C6: variants seen among roughly 807,000 people sequenced by gnomAD.
The protein encoded by C6 is complement C6, also known as complement component C6.
A neutral mutation model predicts 112.9 loss-of-function variants in C6; 101 were observed. That is an observed-to-expected ratio of 0.89 (90% CI 0.76 to 1.06). C6 has a LOEUF of 1.06. Ranked by LOEUF, C6 falls within the 50% of genes least tolerant of loss-of-function variation. The probability of loss-of-function intolerance (pLI) is 0.00; values close to 1 mark genes in which losing one functional copy is unlikely to be tolerated. For synonymous variants in C6, 431 were observed against 384.1 expected, an observed-to-expected ratio of 1.12 and a Z score of -1.43; for missense variants, 1,202 against 1,104.6, an observed-to-expected ratio of 1.09 and a Z score of -1.25.
At chr5:41,216,394 C>G (rs1395143646), upstream of C6, among the ~76,000 whole-genome samples, 2 of 152,074 alleles carry the variant, frequency 1.3e-5, no homozygotes, top group Non-Finnish European at 2.9e-5. Context: ...TTCTGCCTTC[C>G]TCTATGATTC....
intron 5 of C6, among the ~76,000 whole-genome samples, chr5:41,188,710 G>A (rs963564872): frequency 1.3e-5 from 2 of 151,872 alleles, no homozygotes; most frequent in African/African-American, 4.8e-5. Flanking sequence ...ACTCCAGTAA[G>A]ACAAAGCCTT....
chr5:41,229,810 T>C (rs898511128), intron 1 of C6, among the ~76,000 whole-genome samples: 3 of 152,202 alleles, frequency 2.0e-5, no homozygotes, highest in Admixed American at 6.5e-5. Flanking sequence ...TTGCAGTTTA[T>C]TCTTTCAGTT....
intron 1 of C6, among the ~76,000 whole-genome samples, chr5:41,231,623 T>C (rs1739904629): frequency 6.6e-6 from 1 of 152,118 alleles, no homozygotes; most frequent in South Asian, 2.1e-4. Flanking sequence ...TTTATCTTTT[T>C]AAAAATAAAT....
At chr5:41,215,960 A>G (rs1239579111), upstream of C6, among the ~76,000 whole-genome samples, 1 of 152,134 alleles carries the variant, frequency 6.6e-6, no homozygotes, top group African/African-American at 2.4e-5. Context: ...GCCAAGGCTA[A>G]TGACCCCATC....
intron 1 of C6, among the ~76,000 whole-genome samples, chr5:41,205,442 G>T (rs1425647427): frequency 1.3e-5 from 2 of 152,242 alleles, no homozygotes; most frequent in African/African-American, 4.8e-5. Context: ...CCTGGGATGT[G>T]CAAGGGGTCG....
intron 1 of C6, among the ~76,000 whole-genome samples, chr5:41,205,937 C>T (rs936100926): frequency 2.0e-5 from 3 of 152,184 alleles, no homozygotes; most frequent in Non-Finnish European, 4.4e-5. Flanking sequence ...GGTCCCTGAC[C>T]CCCGAGTAGC....
Position 41,199,831 on chromosome 5 carries a change from T to A in C6, c.382A>T (p.Ile128Phe), listed in dbSNP as rs767205948. The A allele has an allele frequency of 6.2e-7, 1 of 1,613,760 alleles. No individual in the cohort carries two copies. The highest frequency in any genetic ancestry group is 8.5e-7 in the Non-Finnish European group (1 of 1,179,722). ...TAPLVAFQPC[I>F]PSKLCKIEEA... The stretch of plus-strand genomic sequence containing the variant: ...TCAATTTTGCAGAGCTTAGATGGAA[T>A]GCATGGTTGAAAGGCTACCAGAGGC... Residue 128 changes from isoleucine to phenylalanine, a missense_variant, in exon 4 of 18, where the codon ATT becomes TTT. Transcript: ENST00000337836.
chr5:41,211,691 C>A (rs529226189), intron 1 of C6, among the ~76,000 whole-genome samples: 3 of 152,194 alleles, frequency 2.0e-5, no homozygotes, highest in East Asian at 3.9e-4. Context: ...CATACAGGGA[C>A]CTTTTCAGCA....
At chr5:41,189,953 T>C (rs770624801) in intron 5 of C6, among the ~76,000 whole-genome samples, 31 of 152,204 alleles carry the variant, frequency 2.0e-4, no homozygotes, top group Admixed American at 1.0e-3. Flanking sequence ...TTCTATTTTA[T>C]GGCTGAATAG....
intron 1 of C6, among the ~76,000 whole-genome samples, chr5:41,230,342 T>C (rs369781200): frequency 5.3e-5 from 8 of 152,222 alleles, no homozygotes; most frequent in East Asian, 3.9e-4. Context: ...AGTGAATTCT[T>C]TTCCCAGCAA....
intron 1 of C6, among the ~76,000 whole-genome samples, chr5:41,253,345 G>A (rs1741480167): frequency 6.6e-6 from 1 of 152,086 alleles, no homozygotes; most frequent in Non-Finnish European, 1.5e-5. Context: ...CTCACCCAAA[G>A]GCTGGAGGAG....
intron 1 of C6, among the ~76,000 whole-genome samples, chr5:41,247,279 A>G (rs951536029): frequency 6.6e-6 from 1 of 152,158 alleles, no homozygotes; most frequent in Non-Finnish European, 1.5e-5. Flanking sequence ...ATGATCCTAT[A>G]TCTAGAAAAC....
At chr5:41,208,333 A>G (rs141068394) in intron 1 of C6, among the ~76,000 whole-genome samples, 11,708 of 152,222 alleles carry the variant, frequency 0.077, 598 homozygotes, top group Middle Eastern at 0.16. Flanking sequence ...GAGCAAACAC[A>G]TTCAAAAGCT....
chr5:41,235,266 C>T (rs1332208597), intron 1 of C6, among the ~76,000 whole-genome samples: 1 of 129,740 alleles, frequency 7.7e-6, no homozygotes, highest in Non-Finnish European at 1.6e-5. Context: ...GTGATATTCC[C>T]CTTCCTGTGT....
chr5:41,207,981 A>C lies in C6; in HGVS notation c.-20-4731T>G, dbSNP rs561250435. Among the ~76,000 whole-genome samples, 50 of 152,300 alleles carry C rather than the reference A, an allele frequency of 3.3e-4. 1 individual carries two copies. Among genetic ancestry groups the C allele is most frequent in the African/African-American group, 1.2e-3 (49 of 41,562 alleles). ...AAAATTGACCACAGAGTTGGAAGTA[A>C]AGCACTCCTCCGCAAATGTAGAACA... On this transcript the variant is annotated intron_variant, in intron 1 of 17. Coordinates refer to ENST00000337836, the MANE Select transcript of C6 (RefSeq NM_000065.5).
intron 1 of C6, among the ~76,000 whole-genome samples, chr5:41,225,826 A>C (rs1037867096): frequency 1.3e-5 from 2 of 152,204 alleles, no homozygotes; most frequent in African/African-American, 4.8e-5. Flanking sequence ...ATCTTTGACA[A>C]ACCTGACAAA....
At position 41,161,801 on chromosome 5, in the gene C6, T is replaced by G. The variant is rs1747537755; in HGVS notation, c.1350A>C (p.Glu450Asp). 6.2e-7 allele frequency: 1 copy of G among 1,613,700 alleles called. No homozygotes were observed. Among genetic ancestry groups the G allele is most frequent in the Non-Finnish European group, 8.5e-7 (1 of 1,179,700 alleles). The change falls in exon 10 of 18, where the codon GAA becomes GAC. Residue 450 changes from glutamate to aspartate, a missense_variant. By Grantham distance (45) the Glu-to-Asp change is conservative. Coordinates refer to ENST00000337836, the MANE Select transcript of C6 (RefSeq NM_000065.5). ...TCTCCCATGCCAAAGCTGCTCCATA[T>G]TCACTCCTTCCACCTCGAATCAGGG... ...SISLIRGGRS[E>D]YGAALAWEKG...
At chr5:41,145,325 A>G (rs1276325817) in intron 17 of C6, among the ~76,000 whole-genome samples, 1 of 152,192 alleles carries the variant, frequency 6.6e-6, no homozygotes, top group Non-Finnish European at 1.5e-5. Context: ...CCCCAAGACA[A>G]TGATAAGTGC....
Position 41,153,794 on chromosome 5 carries a change from C to T in C6, c.2290+16G>A, listed in dbSNP as rs746597108. On this transcript the variant is annotated intron_variant, in intron 15 of 17. Transcript: ENST00000337836. ...CACCACCTTATCAGACCCCAGAACA[C>T]TGAGCTGCTACTCACCTTTTTCACA... 1 of 1,603,138 alleles carries T rather than the reference C, an allele frequency of 6.2e-7. No homozygotes were observed. The highest frequency in any genetic ancestry group is 8.5e-7 in the Non-Finnish European group (1 of 1,171,438).
Sources: allele counts gnomAD v4.1 joint callset (sites outside exome capture counted in the v4.1 genomes callset), GRCh38; gene constraint gnomAD v4.1.1; transcripts MANE v1.5; gene names NCBI Gene and HGNC (gene_info 2026-07-23, HGNC 2026-07-21).